The following MAST4 variants were observed in gnomAD, a reference collection of about 807,000 sequenced individuals.
MAST4 encodes microtubule-associated serine/threonine-protein kinase 4.
A neutral mutation model predicts 162.7 loss-of-function variants in MAST4; 89 were observed. The ratio of observed to expected loss-of-function variants is 0.55; its 90% confidence interval spans 0.46 to 0.65. MAST4 has a LOEUF of 0.65. MAST4 is among the 30% of genes least tolerant of loss of function. The probability of loss-of-function intolerance (pLI) is 0.00; values close to 1 mark genes in which losing one functional copy is unlikely to be tolerated. For synonymous variants in MAST4, 1,479 were observed against 1,361.1 expected, an observed-to-expected ratio of 1.09 and a Z score of -1.91; for missense variants, 3,153 against 3,374.0, an observed-to-expected ratio of 0.93 and a Z score of 1.62.
At chr5:66,832,373 T>G (rs1757666482) in intron 3 of MAST4, among the ~76,000 whole-genome samples, 1 of 151,338 alleles carries the variant, frequency 6.6e-6, no homozygotes, top group Admixed American at 6.6e-5. Context: ...TGTGTTTAGG[T>G]TTTTTTTTGT....
At chr5:66,761,060 G>C (rs549612008) in intron 2 of MAST4, among the ~76,000 whole-genome samples, 1 of 152,244 alleles carries the variant, frequency 6.6e-6, no homozygotes, top group East Asian at 1.9e-4. Flanking sequence ...ATTGCTGTGC[G>C]TTCTTGCTAA....
intron 9 of MAST4, among the ~76,000 whole-genome samples, chr5:67,103,171 G>A (rs1207162160): frequency 6.6e-6 from 1 of 152,204 alleles, no homozygotes; most frequent in African/African-American, 2.4e-5. Flanking sequence ...CAATTGTGAA[G>A]GGCTGCTGCC....
Position 66,958,145 on chromosome 5 carries a change from GAGAA to G in MAST4, c.674+58167_674+58170del, listed in dbSNP as rs560919904. Among the ~76,000 whole-genome samples the G allele has an allele frequency of 3.6e-3, 552 of 152,230 alleles. 1 individual carries two copies. Among genetic ancestry groups the G allele is most frequent in the Non-Finnish European group, 5.6e-3 (381 of 68,012 alleles). On this transcript the variant is annotated intron_variant, in intron 4 of 28. Coordinates refer to ENST00000403625, the MANE Select transcript of MAST4 (RefSeq NM_001164664.2). ...TTTGTGTGTGTGTGTATGTGTGAAAGAGAAAGAGAGAGAGAGAAAGAGAGAGAAA... is the reference window on the plus strand; with the variant it reads ...TTTGTGTGTGTGTGTATGTGTGAAAGAGAGAGAGAGAGAAAGAGAGAGAAA...
chr5:67,133,708 C>G lies in MAST4; in HGVS notation c.2226+62C>G. 4 of 1,570,488 alleles carry G rather than the reference C, an allele frequency of 2.5e-6. No individual in the cohort carries two copies. The South Asian group carries it at 4.6e-5, about 18-fold the overall frequency. On this transcript the variant is annotated intron_variant, in intron 17 of 28. Coordinates refer to ENST00000403625, the MANE Select transcript of MAST4 (RefSeq NM_001164664.2). ...AAAGTATGGTATTGCCAGTGAAGTT[C>G]AGAATCAACTTGTGTGGGCCATCTT...
intron 24 of MAST4, 43 bp downstream of exon 24, chr5:67,149,632 G>T (rs1287019275): frequency 1.3e-6 from 2 of 1,583,076 alleles, no homozygotes; most frequent in African/African-American, 2.7e-5. Context: ...ATTTGTGCAT[G>T]TGGTCCCATC....
At chr5:66,816,042 A>G (rs1445958023) in intron 3 of MAST4, among the ~76,000 whole-genome samples, 3 of 152,178 alleles carry the variant, frequency 2.0e-5, no homozygotes, top group South Asian at 2.1e-4. Context: ...CTGAACTTCA[A>G]TTTTAGAGGA....
chr5:66,887,260 T>C (rs1762099610), intron 3 of MAST4, among the ~76,000 whole-genome samples: 2 of 152,220 alleles, frequency 1.3e-5, no homozygotes, highest in Non-Finnish European at 2.9e-5. Context: ...TCAAGGCTTT[T>C]GTTTCTCATA....
At chr5:66,788,858 G>A (rs1755249882) in intron 3 of MAST4, 64 bp downstream of exon 3, 2 of 1,456,522 alleles carry the variant, frequency 1.4e-6, no homozygotes, top group African/African-American at 2.9e-5. Flanking sequence ...GACAATTTAA[G>A]TTAATTGAGT....
chr5:66,992,159 G>A (rs369051065), intron 4 of MAST4, among the ~76,000 whole-genome samples: 27 of 152,212 alleles, frequency 1.8e-4, no homozygotes, highest in African/African-American at 5.8e-4. Context: ...GATTGCAATC[G>A]TAATACAGGT....
chr5:67,085,129 A>G (rs1763094340), intron 5 of MAST4, among the ~76,000 whole-genome samples: 2 of 152,050 alleles, frequency 1.3e-5, no homozygotes, highest in South Asian at 4.1e-4. Flanking sequence ...GATGAACCAT[A>G]TTCTCCCTCA....
rs142216515 is a variant in MAST4, at chr5:67,150,685, A to G, written c.3295+1096A>G. Reference sequence around the variant, plus strand: ...TTGATTTGGGGAGATAAGGGAGACCATCAGAAGGTAAAGAAGTGGGGGCCT... The same window carrying G: ...TTGATTTGGGGAGATAAGGGAGACCGTCAGAAGGTAAAGAAGTGGGGGCCT... On this transcript the variant is annotated intron_variant, in intron 24 of 28. Coordinates refer to ENST00000403625, the MANE Select transcript of MAST4 (RefSeq NM_001164664.2). Among the ~76,000 whole-genome samples the G allele has an allele frequency of 4.6e-3, 696 of 152,330 alleles. 8 individuals carry two copies. Among genetic ancestry groups the G allele is most frequent in the African/African-American group, 0.016 (646 of 41,586 alleles).
intron 4 of MAST4, among the ~76,000 whole-genome samples, chr5:66,929,149 C>A (rs977412589): frequency 6.6e-6 from 1 of 152,150 alleles, no homozygotes; most frequent in African/African-American, 2.4e-5. Flanking sequence ...AGTCTGAAAG[C>A]CTCAGATGCA....
chr5:66,604,083 A>G (rs1263331116), intron 1 of MAST4, among the ~76,000 whole-genome samples: 1 of 152,208 alleles, frequency 6.6e-6, no homozygotes, highest in Non-Finnish European at 1.5e-5. Flanking sequence ...TTCCAGGGTT[A>G]GGAGAGAAAG....
intron 1 of MAST4, among the ~76,000 whole-genome samples, chr5:66,609,691 GT>G (rs796660631): frequency 0.061 from 7,128 of 117,440 alleles, 599 homozygotes; most frequent in African/African-American, 0.26. Flanking sequence ...CCAGCCTGGT[GT>G]TTTTTTTTTT....
chr5:67,069,286 G>GTATATATATATATATATATATA (rs1760614596), intron 5 of MAST4, among the ~76,000 whole-genome samples: 1 of 20,224 alleles, frequency 4.9e-5, no homozygotes, highest in African/African-American at 1.8e-4. Context: ...GGAGGAGATT[G>GTATATATATATATATATATATA]GATATATATA....
chr5:67,033,264 T>G (rs966091967), intron 4 of MAST4, among the ~76,000 whole-genome samples: 1 of 151,064 alleles, frequency 6.6e-6, no homozygotes, highest in African/African-American at 2.4e-5. Flanking sequence ...ACAGTGAAAT[T>G]TTTCTCTCAG....
chr5:66,780,127 C>T (rs1004168949), intron 2 of MAST4, among the ~76,000 whole-genome samples: 2 of 152,086 alleles, frequency 1.3e-5, no homozygotes, highest in African/African-American at 4.8e-5. Context: ...TATAATTTAA[C>T]GGCATTAAGT....
At chr5:66,950,405 A>G (rs1490891283) in intron 4 of MAST4, among the ~76,000 whole-genome samples, 3 of 152,088 alleles carry the variant, frequency 2.0e-5, no homozygotes, top group Non-Finnish European at 4.4e-5. Context: ...AACTTTTTCC[A>G]TTAAACACTA....
At chr5:66,733,766 GT>G (rs11297769) in intron 1 of MAST4, among the ~76,000 whole-genome samples, 115,821 of 151,338 alleles carry the variant, frequency 0.77, 45,511 homozygotes, top group African/African-American at 0.94. Context: ...GCCAACTTGT[GT>G]TTTTTTTTTA....
Sources: allele counts gnomAD v4.1 joint callset (sites outside exome capture counted in the v4.1 genomes callset), GRCh38; gene constraint gnomAD v4.1.1; transcripts MANE v1.5; gene names NCBI Gene and HGNC (gene_info 2026-07-23, HGNC 2026-07-21).